The following EPB41L3 variants were observed in gnomAD, a reference collection of about 807,000 sequenced individuals.
EPB41L3 encodes erythrocyte membrane protein band 4.1 like 3.
In EPB41L3, 57 loss-of-function variants were observed where a neutral mutation model predicts 127.1. That is an observed-to-expected ratio of 0.45 (90% CI 0.36 to 0.56). EPB41L3 has a LOEUF of 0.56. Ranked by LOEUF, EPB41L3 falls within the 20% of genes least tolerant of loss-of-function variation. The pLI, the probability that EPB41L3 is intolerant of heterozygous loss-of-function variation, is 0.00. For synonymous variants in EPB41L3, 572 were observed against 549.5 expected (o/e 1.04, Z -0.57); for missense variants, 1,273 against 1,372.2 (o/e 0.93, Z 1.14).
chr18:5,625,402 G>C (rs1026748733), intron 1 of EPB41L3, among the ~76,000 whole-genome samples: 1 of 152,048 alleles, frequency 6.6e-6, no homozygotes, highest in African/African-American at 2.4e-5. Flanking sequence ...TGTCTGTCAG[G>C]GAGCAACGTG....
chr18:5,402,726 T>C (rs1403224599), intron 16 of EPB41L3, among the ~76,000 whole-genome samples: 1 of 152,198 alleles, frequency 6.6e-6, no homozygotes, highest in African/African-American at 2.4e-5. Context: ...GTCAGATATA[T>C]AGCCCAACCA....
chr18:5,617,520 G>A (rs888779631), intron 1 of EPB41L3, among the ~76,000 whole-genome samples: 32 of 151,964 alleles, frequency 2.1e-4, no homozygotes, highest in African/African-American at 6.8e-4. Context: ...GGGTTTCACC[G>A]TTTTAGCCGG....
Position 5,416,303 on chromosome 18 carries a change from G to A in EPB41L3, c.1582C>T (p.Leu528Phe), listed in dbSNP as rs1490080766. The A allele has an allele frequency of 2.5e-6, 4 of 1,614,020 alleles. No homozygotes were observed. In the African/African-American group the frequency reaches 4.0e-5, roughly 16 times the overall value. The change falls in exon 13 of 23, where the codon CTC (leucine) becomes TTC (phenylalanine). Residue 528 changes from leucine to phenylalanine, a missense_variant. By Grantham distance (22) the Leu-to-Phe change is conservative (BLOSUM62 0). Coordinates refer to ENST00000341928, the MANE Select transcript of EPB41L3 (RefSeq NM_012307.5). ...THCAPTSPTE[L>F]RRRCKENDCK... ...TCATTCTCCTTACACCTCCTACGGA[G>A]CTCTGTGGGAGATGTGGGGGCACAA...
Position 5,498,531 on chromosome 18 carries a change from T to C in EPB41L3, c.-11-9337A>G, listed in dbSNP as rs143367685. 4.0e-3 allele frequency among the ~76,000 whole-genome samples: 550 copies of C among 137,182 alleles called. 2 individuals carry two copies. Among genetic ancestry groups the C allele is most frequent in the African/African-American group, 0.014 (525 of 36,456 alleles). The allele number at this position is 137,182 out of a possible 152,430, so 90.0% of individuals were successfully genotyped here. The stretch of plus-strand genomic sequence containing the variant: ...ATCACTTGAACCTGGGAGGTGGAGG[T>C]TGCAGTGAGCCGAGATAGCACCACT... On this transcript the variant is annotated intron_variant, in intron 1 of 22. Coordinates refer to ENST00000341928, the MANE Select transcript of EPB41L3 (RefSeq NM_012307.5).
intron 3 of EPB41L3, among the ~76,000 whole-genome samples, chr18:5,605,925 T>C (rs1599267726): frequency 6.6e-6 from 1 of 151,422 alleles, no homozygotes; most frequent in Admixed American, 6.6e-5. Context: ...AAGTAAGGAG[T>C]TGGAGGCAGA....
At chr18:5,479,821 T>A (rs1034182003) in intron 2 of EPB41L3, 4 of 152,176 alleles carry the variant, frequency 2.6e-5, no homozygotes, top group African/African-American at 9.6e-5. Flanking sequence ...CCTACTTTTT[T>A]AATCACTGTC....
intron 11 of EPB41L3, among the ~76,000 whole-genome samples, chr18:5,421,298 G>A (rs1285194375): frequency 6.7e-6 from 1 of 149,096 alleles, no homozygotes; most frequent in Non-Finnish European, 1.5e-5. Flanking sequence ...CAAAGTGGAT[G>A]ATATTCAGGA....
chr18:5,445,269 A>T, intron 3 of EPB41L3, 25 bp from the exon 4 acceptor site: 1 of 1,552,932 alleles, frequency 6.4e-7, no homozygotes, highest in Non-Finnish European at 8.9e-7. Flanking sequence ...ATAGCAAAGC[A>T]AGTCAATACA....
chr18:5,518,228 C>T (rs549648959), intron 1 of EPB41L3, among the ~76,000 whole-genome samples: 1 of 152,196 alleles, frequency 6.6e-6, no homozygotes, highest in East Asian at 1.9e-4. Flanking sequence ...TCTGGATCCT[C>T]GCCACCTCCA....
chr18:5,610,359 T>C (rs2094712002), intron 3 of EPB41L3: 1 of 936,072 alleles, frequency 1.1e-6, no homozygotes, highest in African/African-American at 1.8e-5. Context: ...GCCAATACAG[T>C]GGGAGTTAAG....
chr18:5,442,850 T>C (rs1156798517), intron 5 of EPB41L3, among the ~76,000 whole-genome samples: 1 of 152,210 alleles, frequency 6.6e-6, no homozygotes, highest in Non-Finnish European at 1.5e-5. Context: ...TATTAAAACC[T>C]TCCTGCCTTC....
chr18:5,626,038 C>A (rs748620062), intron 1 of EPB41L3, among the ~76,000 whole-genome samples: 2 of 151,704 alleles, frequency 1.3e-5, no homozygotes, highest in Non-Finnish European at 2.9e-5. Context: ...CAATTATATT[C>A]AGTGCCCTTC....
In EPB41L3 at chr18:5,441,462, A is replaced by ATTTT. The variant is rs201943060; in HGVS notation, c.529+2372_529+2375dup. On this transcript the variant is annotated intron_variant, in intron 5 of 22. Transcript: ENST00000341928. ...ATACAGGTAAAAATATCGAATTCCA[A>ATTTT]TTTTTTTTTTTTTTTTTTTTTGACA... Among the ~76,000 whole-genome samples, 242 of 139,726 alleles carry ATTTT rather than the reference A, an allele frequency of 1.7e-3. 2 individuals are homozygous for ATTTT. The highest frequency in any genetic ancestry group is 6.3e-3 in the African/African-American group (233 of 37,026). The allele number at this position is 139,726 out of a possible 152,430, so 91.7% of individuals were successfully genotyped here. A position where few individuals can be genotyped will look rare whatever the true frequency, so the allele number is the denominator to read the frequency against.
chr18:5,524,993 C>A (rs531725200), intron 1 of EPB41L3, among the ~76,000 whole-genome samples: 1 of 152,216 alleles, frequency 6.6e-6, no homozygotes, highest in Non-Finnish European at 1.5e-5. Context: ...GAGCTCAAAC[C>A]TCTTGATTGA....
At chr18:5,531,056 C>G (rs1263213831) in intron 1 of EPB41L3, among the ~76,000 whole-genome samples, 1 of 152,228 alleles carries the variant, frequency 6.6e-6, no homozygotes, top group African/African-American at 2.4e-5. Flanking sequence ...TCCCTGACAA[C>G]AGTGTCCATT....
intron 16 of EPB41L3, chr18:5,399,389 T>C (rs910336774): frequency 2.5e-6 from 1 of 398,726 alleles, no homozygotes; most frequent in Non-Finnish European, 4.4e-6. Context: ...CTGTGCCCTA[T>C]ATTTGAAATA....
chr18:5,434,962 T>C (rs868840240), intron 6 of EPB41L3, among the ~76,000 whole-genome samples: 62 of 152,324 alleles, frequency 4.1e-4, no homozygotes, highest in African/African-American at 1.5e-3. Context: ...TGGGACAGGA[T>C]GTGTAGGCGG....
At chr18:5,535,088 G>A (rs1323232769) in intron 1 of EPB41L3, among the ~76,000 whole-genome samples, 1 of 152,164 alleles carries the variant, frequency 6.6e-6, no homozygotes, top group Non-Finnish European at 1.5e-5. Context: ...GAGTGAGAAT[G>A]TGAGAATGTG....
Position 5,395,676 on chromosome 18 carries a change from A to G in EPB41L3, c.3005T>C (p.Val1002Ala). ...VDPGTDLEPGVLMSAQTITSE... is the reference protein window; with the variant it reads ...VDPGTDLEPGALMSAQTITSE... Reference sequence around the variant, plus strand: ...TGTGATCGTCTGTGCACTCATCAGCACGCCTGGCTCCAGATCTGTGCCTGG... The same window carrying G: ...TGTGATCGTCTGTGCACTCATCAGCGCGCCTGGCTCCAGATCTGTGCCTGG... The change falls in exon 20 of 23, where the codon GTG becomes GCG. Residue 1002 changes from valine (V) to alanine (A), a missense_variant. Physicochemically the swap from Val to Ala is moderately conservative, Grantham distance 64. Around this residue, in one of 3 missense-constraint regions of EPB41L3, gnomAD observed 765 missense variants for 782.9 expected, o/e 0.98. Coordinates refer to ENST00000341928, the MANE Select transcript of EPB41L3 (RefSeq NM_012307.5). 2 of 1,614,174 alleles carry G rather than the reference A, an allele frequency of 1.2e-6. No individual in the cohort carries two copies. Among genetic ancestry groups the G allele is most frequent in the Non-Finnish European group, 1.7e-6 (2 of 1,180,034 alleles).
Sources: allele counts gnomAD v4.1 joint callset (sites outside exome capture counted in the v4.1 genomes callset), GRCh38; gene constraint gnomAD v4.1.1; regional missense constraint gnomAD v4.1.1; transcripts MANE v1.5; gene names NCBI Gene and HGNC (gene_info 2026-07-23, HGNC 2026-07-21).